The following PTPRT variants were observed in gnomAD, a reference collection of about 807,000 sequenced individuals.
PTPRT encodes receptor-type tyrosine-protein phosphatase T.
Under a neutral mutation model 176.8 loss-of-function variants are expected in PTPRT, and 56 were observed. The observed-to-expected ratio is 0.32, with a 90% CI of 0.26 to 0.40. PTPRT has a LOEUF of 0.40. Ranked by LOEUF, PTPRT falls within the 10% of genes least tolerant of loss-of-function variation. The probability of loss-of-function intolerance (pLI) is 1.00; values close to 1 mark genes in which losing one functional copy is unlikely to be tolerated. For synonymous variants in PTPRT, 783 were observed against 739.0 expected, an observed-to-expected ratio of 1.06 and a Z score of -0.96; for missense variants, 1,540 against 1,908.2, an observed-to-expected ratio of 0.81 and a Z score of 3.60.
At chr20:42,997,231 C>T (rs531280774) in intron 1 of PTPRT, among the ~76,000 whole-genome samples, 1 of 141,532 alleles carries the variant, frequency 7.1e-6, no homozygotes, top group African/African-American at 2.8e-5. Context: ...CGGGCAGGCT[C>T]ATTCTCCTCC....
intron 6 of PTPRT, among the ~76,000 whole-genome samples, chr20:42,681,408 T>C (rs1569079759): frequency 2.0e-5 from 3 of 152,116 alleles, no homozygotes; most frequent in Non-Finnish European, 4.4e-5. Context: ...TTGAAGCCTG[T>C]GAAAGGACCC....
intron 2 of PTPRT, among the ~76,000 whole-genome samples, chr20:42,878,295 A>G (rs983117804): frequency 6.6e-6 from 1 of 152,252 alleles, no homozygotes; most frequent in Non-Finnish European, 1.5e-5. Context: ...ATTTAATGAC[A>G]TGGGAAAATG....
chr20:43,055,052 C>T (rs1255485614), intron 1 of PTPRT, among the ~76,000 whole-genome samples: 1 of 152,180 alleles, frequency 6.6e-6, no homozygotes, highest in East Asian at 1.9e-4. Context: ...CTCCCCATCA[C>T]CCTACCATTA....
chr20:42,628,010 G>A (rs1206043872), intron 7 of PTPRT, among the ~76,000 whole-genome samples: 1 of 152,118 alleles, frequency 6.6e-6, no homozygotes, highest in East Asian at 1.9e-4. Flanking sequence ...GGGAGAACAG[G>A]TCAGTCATTT....
intron 7 of PTPRT, among the ~76,000 whole-genome samples, chr20:42,613,666 T>C (rs2074013258): frequency 6.6e-6 from 1 of 152,190 alleles, no homozygotes; most frequent in African/African-American, 2.4e-5. Context: ...AAATCCTGAA[T>C]AGGGTTGAGA....
At chr20:42,404,972 T>TTTATATATATATATATATATATATA (rs960312629) in intron 9 of PTPRT, among the ~76,000 whole-genome samples, 2 of 77,956 alleles carry the variant, frequency 2.6e-5, no homozygotes, top group Non-Finnish European at 5.4e-5. Flanking sequence ...GGCCAATTAA[T>TTTATATATATATATATATATATATA]TATATATATA....
chr20:43,019,610 A>G lies in PTPRT; in HGVS notation c.89-133678T>C, dbSNP rs569775954. ...CTCCAGCCTGGCAACAGAGCGAGAC[A>G]CCGTCTCAAAAAAAAAAAAAAAAAA... On this transcript the variant is annotated intron_variant, in intron 1 of 30. Coordinates refer to ENST00000373187, the MANE Select transcript of PTPRT (RefSeq NM_007050.6). Among the ~76,000 whole-genome samples, 213 of 134,188 alleles carry G rather than the reference A, an allele frequency of 1.6e-3. 1 individual carries two copies. Among genetic ancestry groups the G allele is most frequent in the Middle Eastern group, 3.8e-3 (1 of 260 alleles). 88.0% of individuals were successfully genotyped at this position (134,188 alleles called of 152,430 possible). A position where few individuals can be genotyped will look rare whatever the true frequency, so the allele number is the denominator to read the frequency against.
chr20:43,100,972 T>A (rs2425592), intron 1 of PTPRT, among the ~76,000 whole-genome samples: 75,194 of 152,010 alleles, frequency 0.49, 19,135 homozygotes, highest in African/African-American at 0.53. Context: ...AAAGCAAAAG[T>A]TTCCACCAAT....
chr20:42,543,489 C>T (rs1243789593), intron 7 of PTPRT, among the ~76,000 whole-genome samples: 1 of 152,110 alleles, frequency 6.6e-6, no homozygotes, highest in Non-Finnish European at 1.5e-5. Flanking sequence ...GCTATTTCCA[C>T]CACATGTGGA....
intron 2 of PTPRT, among the ~76,000 whole-genome samples, chr20:42,843,232 T>C (rs556993835): frequency 6.6e-6 from 1 of 152,236 alleles, no homozygotes; most frequent in East Asian, 1.9e-4. Context: ...TAGCTTCCGA[T>C]AGACAATTTC....
intron 1 of PTPRT, among the ~76,000 whole-genome samples, chr20:42,927,208 A>G (rs1042179023): frequency 6.6e-6 from 1 of 152,208 alleles, no homozygotes; most frequent in African/African-American, 2.4e-5. Flanking sequence ...CCACTGCCTC[A>G]TAAGTTAATG....
intron 7 of PTPRT, among the ~76,000 whole-genome samples, chr20:42,656,994 C>T (rs6124483): frequency 6.6e-6 from 1 of 152,100 alleles, no homozygotes; most frequent in Non-Finnish European, 1.5e-5. Flanking sequence ...TTGTAGTTCC[C>T]ATAATCCCCA....
At chr20:42,109,509 C>A (rs894868214) in intron 23 of PTPRT, among the ~76,000 whole-genome samples, 1 of 152,202 alleles carries the variant, frequency 6.6e-6, no homozygotes, top group Non-Finnish European at 1.5e-5. Context: ...AAGGTAAAAC[C>A]TGGTGCTGTC....
At chr20:43,169,634 T>C (rs2014946047) in intron 1 of PTPRT, among the ~76,000 whole-genome samples, 1 of 152,128 alleles carries the variant, frequency 6.6e-6, no homozygotes, top group African/African-American at 2.4e-5. Context: ...TGTATTATCA[T>C]AAGCTTTCAT....
chr20:43,172,370 C>T lies in PTPRT; in HGVS notation c.88+17276G>A, dbSNP rs1357778596. 2.6e-5 allele frequency among the ~76,000 whole-genome samples: 4 copies of T among 152,192 alleles called. No homozygotes were observed. In the East Asian group the frequency reaches 7.7e-4, roughly 29 times the overall value. On this transcript the variant is annotated intron_variant, in intron 1 of 30. Coordinates refer to ENST00000373187, the MANE Select transcript of PTPRT (RefSeq NM_007050.6). ...ACAAATACAAATCGTATATGCAATTCGCAAGCCCTTGCACAGGCTGTGCAG... is the reference window on the plus strand; with the variant it reads ...ACAAATACAAATCGTATATGCAATTTGCAAGCCCTTGCACAGGCTGTGCAG...
At chr20:42,353,527 T>C (rs2058316541) in intron 9 of PTPRT, among the ~76,000 whole-genome samples, 1 of 152,238 alleles carries the variant, frequency 6.6e-6, no homozygotes, top group African/African-American at 2.4e-5. Flanking sequence ...TGGAATGATT[T>C]GTGTCTACTG....
intron 13 of PTPRT, among the ~76,000 whole-genome samples, chr20:42,277,035 A>G (rs1464044962): frequency 2.6e-5 from 4 of 152,176 alleles, no homozygotes; most frequent in Non-Finnish European, 5.9e-5. Context: ...AAAAGAAGGC[A>G]TATTTACAAA....
intron 7 of PTPRT, among the ~76,000 whole-genome samples, chr20:42,613,532 T>C (rs987781776): frequency 6.6e-6 from 1 of 152,220 alleles, no homozygotes; most frequent in African/African-American, 2.4e-5. Context: ...TGTAAGTCAA[T>C]GCCTAACAAG....
At chr20:42,221,490 C>T (rs2146790585) in intron 15 of PTPRT, among the ~76,000 whole-genome samples, 1 of 151,640 alleles carries the variant, frequency 6.6e-6, no homozygotes, top group South Asian at 2.1e-4. Flanking sequence ...GCATATCTTA[C>T]ATGGTGGCAG....
Sources: allele counts gnomAD v4.1 joint callset (sites outside exome capture counted in the v4.1 genomes callset), GRCh38; gene constraint gnomAD v4.1.1; transcripts MANE v1.5; gene names NCBI Gene and HGNC (gene_info 2026-07-23, HGNC 2026-07-21).